Variants in PDE1C observed in about 807,000 individuals in gnomAD.
The protein encoded by PDE1C is phosphodiesterase 1C.
In PDE1C, 62 loss-of-function variants were observed where a neutral mutation model predicts 93.1. The ratio of observed to expected loss-of-function variants is 0.67; its 90% CI spans 0.54 to 0.82. PDE1C has a LOEUF of 0.82. Ranked by LOEUF, PDE1C falls within the 40% of genes least tolerant of loss-of-function variation. The pLI, the probability that PDE1C is intolerant of heterozygous loss-of-function variation, is 0.00. For missense variants in PDE1C, 742 were observed against 884.6 expected (o/e 0.84, Z 2.04); for synonymous variants, 325 against 310.1 (o/e 1.05, Z -0.50).
chr7:32,302,691 G>T (rs1812908772), upstream of PDE1C, among the ~76,000 whole-genome samples: 3 of 152,134 alleles, frequency 2.0e-5, no homozygotes, highest in African/African-American at 7.2e-5. Context: ...CACTTTTAAA[G>T]TTCTAGAAAA....
intron 1 of PDE1C, among the ~76,000 whole-genome samples, chr7:32,216,740 A>G (rs921923862): frequency 2.0e-5 from 3 of 152,196 alleles, no homozygotes; most frequent in Admixed American, 2.0e-4. Flanking sequence ...ATTTTTTTCA[A>G]GGCCACACAG....
At chr7:32,047,052 T>C (rs113447683) in intron 2 of PDE1C, among the ~76,000 whole-genome samples, 6 of 117,294 alleles carry the variant, frequency 5.1e-5, no homozygotes, top group Non-Finnish European at 7.1e-5. Flanking sequence ...TGTGTGTGTG[T>C]GCGAGACAGA....
chr7:32,340,952 C>G (rs929131095), intron 1 of PDE1C, among the ~76,000 whole-genome samples: 4 of 152,146 alleles, frequency 2.6e-5, no homozygotes, highest in African/African-American at 7.2e-5. Context: ...TTCATCCAAA[C>G]CCATAGACTG....
the PDE1C span, among the ~76,000 whole-genome samples, chr7:31,672,086 G>C: frequency 0.046 from 6,982 of 152,092 alleles, 520 homozygotes; most frequent in African/African-American, 0.16. Flanking sequence ...TTTTTGTCTT[G>C]ATAGGGACTT....
chr7:32,243,407 T>C (rs1808685861), intron 1 of PDE1C, among the ~76,000 whole-genome samples: 1 of 152,128 alleles, frequency 6.6e-6, no homozygotes, highest in South Asian at 2.1e-4. Context: ...AGGAAGCTGA[T>C]GACAATGGTT....
intron 1 of PDE1C, among the ~76,000 whole-genome samples, chr7:32,409,265 T>A (rs567523781): frequency 6.6e-6 from 1 of 150,608 alleles, no homozygotes; most frequent in African/African-American, 2.4e-5. Flanking sequence ...GGAGGCTGAG[T>A]GGGGAGGATC....
At chr7:31,632,752 T>G in the PDE1C span, among the ~76,000 whole-genome samples, 2 of 152,004 alleles carry the variant, frequency 1.3e-5, no homozygotes, top group African/African-American at 4.8e-5. Context: ...CCCAGCTGGG[T>G]GACAGGTTTT....
At chr7:31,997,223 G>C (rs932362006) in intron 2 of PDE1C, among the ~76,000 whole-genome samples, 2 of 152,150 alleles carry the variant, frequency 1.3e-5, no homozygotes, top group Non-Finnish European at 2.9e-5. Context: ...AATTACTTAA[G>C]CACCTCAAGC....
In PDE1C at chr7:32,320,497, T is replaced by C. The variant is rs139270661; in HGVS notation, c.310+107325A>G. ...ATAACAAACCTGCACATCCTGCACATGTACCCCTGAACTTAAAAGTGGGGG... is the reference window on the plus strand; with the variant it reads ...ATAACAAACCTGCACATCCTGCACACGTACCCCTGAACTTAAAAGTGGGGG... On this transcript the variant is annotated intron_variant, in intron 1 of 1. Transcript: ENST00000672256. Among the ~76,000 whole-genome samples, 24 of 151,968 alleles carry C rather than the reference T, an allele frequency of 1.6e-4. No individual in the cohort carries two copies. In the South Asian group the frequency reaches 3.8e-3, roughly 24 times the overall value.
intron 1 of PDE1C, among the ~76,000 whole-genome samples, chr7:32,284,739 A>T (rs577054417): frequency 1.3e-5 from 2 of 152,284 alleles, no homozygotes; most frequent in South Asian, 2.1e-4. Flanking sequence ...CTTTCTAAAA[A>T]TGCACATGCC....
chr7:31,761,577 G>C (rs1308523517), intron 17 of PDE1C, among the ~76,000 whole-genome samples: 2 of 152,126 alleles, frequency 1.3e-5, no homozygotes, highest in African/African-American at 4.8e-5. Context: ...GTCTAGCCAG[G>C]CAAGCTCCAG....
chr7:31,897,260 T>G (rs1297043818), intron 2 of PDE1C, among the ~76,000 whole-genome samples: 1 of 152,206 alleles, frequency 6.6e-6, no homozygotes, highest in Non-Finnish European at 1.5e-5. Context: ...TTCAATGAAC[T>G]TGACATGAAG....
chr7:31,908,587 G>A (rs1800870895), intron 2 of PDE1C, among the ~76,000 whole-genome samples: 1 of 152,156 alleles, frequency 6.6e-6, no homozygotes, highest in Non-Finnish European at 1.5e-5. Context: ...TTCTGACTTT[G>A]CACTGATAAC....
At chr7:32,425,121 C>CAT (rs917109367) in intron 1 of PDE1C, among the ~76,000 whole-genome samples, 32 of 146,146 alleles carry the variant, frequency 2.2e-4, no homozygotes, top group East Asian at 7.0e-4. Flanking sequence ...TATTATATTA[C>CAT]ATATATATAT....
intron 1 of PDE1C, among the ~76,000 whole-genome samples, chr7:32,286,917 A>G (rs1172511858): frequency 6.6e-6 from 1 of 152,194 alleles, no homozygotes; most frequent in East Asian, 1.9e-4. Context: ...TGAATTAAGT[A>G]ATTAGGAAAA....
At chr7:31,816,247 T>C in intron 14 of PDE1C, 93 bp from the exon 15 acceptor site, 1 of 1,159,686 alleles carries the variant, frequency 8.6e-7, no homozygotes, top group South Asian at 1.4e-5. Flanking sequence ...AAAGAGTATC[T>C]AAGGTGTTTA....
chr7:32,283,361 A>G (rs1811798557), intron 1 of PDE1C, among the ~76,000 whole-genome samples: 1 of 152,314 alleles, frequency 6.6e-6, no homozygotes, highest in African/African-American at 2.4e-5. Context: ...TTCAGGGAAG[A>G]TATTCACCAA....
chr7:31,954,474 C>A (rs1353783501), intron 2 of PDE1C, among the ~76,000 whole-genome samples: 1 of 152,188 alleles, frequency 6.6e-6, no homozygotes, highest in African/African-American at 2.4e-5. Flanking sequence ...ACCCAATTTG[C>A]TTTCATGGTT....
At chr7:32,135,702 G>A (rs1350084818) in intron 3 of PDE1C, among the ~76,000 whole-genome samples, 4 of 152,120 alleles carry the variant, frequency 2.6e-5, no homozygotes, top group African/African-American at 7.2e-5. Context: ...AAACAGTATA[G>A]AGGTTCCTCA....
Sources: allele counts gnomAD v4.1 joint callset (sites outside exome capture counted in the v4.1 genomes callset), GRCh38; gene constraint gnomAD v4.1.1; transcripts MANE v1.5; gene names NCBI Gene and HGNC (gene_info 2026-07-23, HGNC 2026-07-21).